Variants in ZNF362 observed in about 807,000 individuals in gnomAD.
ZNF362 encodes the protein zinc finger protein 362, also known as rotund homolog.
A neutral mutation model predicts 42.9 loss-of-function variants in ZNF362; 11 were observed. The observed-to-expected ratio is 0.26, with a 90% CI of 0.16 to 0.42. The LOEUF (loss-of-function observed/expected upper bound fraction) is 0.42, where lower values mean the gene tolerates loss of function less well. ZNF362 is among the 20% of genes least tolerant of loss of function. The probability of loss-of-function intolerance (pLI) is 1.00; values close to 1 mark genes in which losing one functional copy is unlikely to be tolerated. For missense variants in ZNF362, 362 were observed against 576.2 expected (o/e 0.63, Z 3.81); for synonymous variants, 255 against 257.3 (o/e 0.99, Z 0.09).
At chr1:33,204,873 A>G in the ZNF362 span, among the ~76,000 whole-genome samples, 7 of 152,344 alleles carry the variant, frequency 4.6e-5, no homozygotes, top group South Asian at 1.2e-3. Flanking sequence ...TATATTAGCA[A>G]CAAACGATCA....
At chr1:33,223,756 C>T in the ZNF362 span, among the ~76,000 whole-genome samples, 2 of 151,700 alleles carry the variant, frequency 1.3e-5, no homozygotes, top group African/African-American at 4.8e-5. Flanking sequence ...AGCTGGACAT[C>T]GTGGCATGCA....
the ZNF362 span, among the ~76,000 whole-genome samples, chr1:33,245,635 T>C: frequency 6.6e-6 from 1 of 152,096 alleles, no homozygotes; most frequent in East Asian, 1.9e-4. Context: ...ACAGCAAGTG[T>C]CCCTATAAGA....
chr1:33,184,718 C>A, the ZNF362 span, among the ~76,000 whole-genome samples: 15 of 152,214 alleles, frequency 9.9e-5, no homozygotes, highest in African/African-American at 3.6e-4. Flanking sequence ...TTTCTAAGAG[C>A]CATTGTATTT....
At chr1:33,210,934 TA>T in the ZNF362 span, among the ~76,000 whole-genome samples, 36 of 93,832 alleles carry the variant, frequency 3.8e-4, no homozygotes, top group African/African-American at 1.2e-3. Flanking sequence ...CATTTAAGGT[TA>T]ATTTTTTTTT....
the ZNF362 span, among the ~76,000 whole-genome samples, chr1:33,166,928 TA>T: frequency 3.3e-5 from 5 of 152,308 alleles, no homozygotes; most frequent in African/African-American, 1.2e-4. Flanking sequence ...AATATTGCAT[TA>T]AATACTATTC....
At chr1:33,139,225 G>A in the ZNF362 span, among the ~76,000 whole-genome samples, 3 of 152,178 alleles carry the variant, frequency 2.0e-5, no homozygotes, top group Non-Finnish European at 4.4e-5. Flanking sequence ...AGTGAGGGTC[G>A]CTCTGGGGGC....
intron 1 of ZNF362, among the ~76,000 whole-genome samples, chr1:33,259,656 C>T (rs1645816706): frequency 6.6e-6 from 1 of 152,228 alleles, no homozygotes. Context: ...TCACCCAGCC[C>T]ACACTGGACA....
chr1:33,183,742 G>A, the ZNF362 span, among the ~76,000 whole-genome samples: 1 of 152,166 alleles, frequency 6.6e-6, no homozygotes, highest in Non-Finnish European at 1.5e-5. Context: ...GGATATGTTT[G>A]GTGGCAATGC....
the ZNF362 span, chr1:33,158,467 TG>T: frequency 2.3e-6 from 2 of 870,442 alleles, no homozygotes; most frequent in Admixed American, 3.8e-5. Context: ...GCATAGGATG[TG>T]GTCATGAGTG....
chr1:33,233,375 C>G, the ZNF362 span, among the ~76,000 whole-genome samples: 2 of 152,102 alleles, frequency 1.3e-5, no homozygotes, highest in African/African-American at 4.8e-5. Context: ...CCTGCAATGC[C>G]CTGCTTTTCC....
chr1:33,142,121 C>A, the ZNF362 span: 1 of 152,242 alleles, frequency 6.6e-6, no homozygotes, highest in African/African-American at 2.4e-5. Flanking sequence ...CCTCTCCCAC[C>A]TCCCACCTCC....
the ZNF362 span, among the ~76,000 whole-genome samples, chr1:33,238,723 G>A: frequency 1.3e-5 from 2 of 152,198 alleles, no homozygotes; most frequent in African/African-American, 4.8e-5. Context: ...GAGGTCATAA[G>A]GGTGGGGTCC....
At chr1:33,180,941 G>A in the ZNF362 span, 3 of 846,168 alleles carry the variant, frequency 3.5e-6, no homozygotes, top group South Asian at 3.2e-5. Context: ...GGCCTGGCCC[G>A]CGGTCCAGCC....
the ZNF362 span, among the ~76,000 whole-genome samples, chr1:33,174,607 A>C: frequency 7.4e-3 from 1,131 of 152,246 alleles, 24 homozygotes; most frequent in East Asian, 0.083. Flanking sequence ...GGAGAGCATG[A>C]CTGCCTGTCA....
chr1:33,247,446 G>A, the ZNF362 span, among the ~76,000 whole-genome samples: 27 of 152,314 alleles, frequency 1.8e-4, no homozygotes, highest in South Asian at 4.4e-3. Flanking sequence ...TAACGCTGGC[G>A]TTCTGATTTC....
intron 6 of ZNF362, among the ~76,000 whole-genome samples, chr1:33,284,602 T>C (rs1188608899): frequency 1.3e-5 from 2 of 152,228 alleles, no homozygotes; most frequent in East Asian, 1.9e-4. Context: ...GTTAGGTTTT[T>C]ATAGTCCCCC....
the ZNF362 span, among the ~76,000 whole-genome samples, chr1:33,192,610 G>A: frequency 6.6e-6 from 1 of 152,178 alleles, no homozygotes; most frequent in East Asian, 1.9e-4. Flanking sequence ...CTGGGAAATG[G>A]TGCAAAACAT....
intron 1 of ZNF362, among the ~76,000 whole-genome samples, chr1:33,261,917 A>G (rs1350856228): frequency 6.6e-6 from 1 of 152,168 alleles, no homozygotes; most frequent in Non-Finnish European, 1.5e-5. Flanking sequence ...GCTCAATGGG[A>G]CAGTTACTTC....
At chr1:33,183,414 C>T in the ZNF362 span, among the ~76,000 whole-genome samples, 5 of 152,328 alleles carry the variant, frequency 3.3e-5, no homozygotes, top group Admixed American at 3.3e-4. Context: ...TAGTTGGTTG[C>T]TCATGCAACA....
Sources: allele counts gnomAD v4.1 joint callset (sites outside exome capture counted in the v4.1 genomes callset), GRCh38; gene constraint gnomAD v4.1.1; transcripts MANE v1.5; gene names NCBI Gene and HGNC (gene_info 2026-07-23, HGNC 2026-07-21).